Variants in CDC42BPA observed in about 807,000 individuals in gnomAD.
The protein encoded by CDC42BPA is serine/threonine-protein kinase MRCK alpha.
Under a neutral mutation model 223.5 loss-of-function variants are expected in CDC42BPA, and 80 were observed. That is an observed-to-expected ratio of 0.36 (90% CI 0.30 to 0.43). The LOEUF (loss-of-function observed/expected upper bound fraction) is 0.43. CDC42BPA is among the 20% of genes least tolerant of loss of function. CDC42BPA has a pLI of 1.00. For missense variants in CDC42BPA, 1,743 were observed against 2,099.9 expected, an observed-to-expected ratio of 0.83 and a Z score of 3.32; for synonymous variants, 694 against 718.6, an observed-to-expected ratio of 0.97 and a Z score of 0.55.
chr1:226,997,959 G>A (rs1661977040), intron 35 of CDC42BPA, among the ~76,000 whole-genome samples: 1 of 152,026 alleles, frequency 6.6e-6, no homozygotes, highest in Admixed American at 6.6e-5. Flanking sequence ...TGTGTATTAG[G>A]TCCGCTTGAA....
chr1:227,180,923 A>C (rs941007987), intron 5 of CDC42BPA, among the ~76,000 whole-genome samples: 1 of 150,880 alleles, frequency 6.6e-6, no homozygotes, highest in Non-Finnish European at 1.5e-5. Flanking sequence ...TTTTTTTTTC[A>C]ACCTGAAATT....
intron 2 of CDC42BPA, among the ~76,000 whole-genome samples, chr1:227,239,645 A>C (rs191259754): frequency 5.3e-4 from 81 of 152,262 alleles, no homozygotes; most frequent in Middle Eastern, 3.4e-3. Flanking sequence ...TGAAAGAAAA[A>C]ATCCATATAA....
At chr1:227,070,406 C>T (rs973756248) in intron 20 of CDC42BPA, among the ~76,000 whole-genome samples, 5 of 151,674 alleles carry the variant, frequency 3.3e-5, no homozygotes, top group Admixed American at 3.3e-4. Context: ...TTTAAAAATT[C>T]ATACATATCT....
intron 3 of CDC42BPA, among the ~76,000 whole-genome samples, chr1:227,200,816 T>A (rs1671628124): frequency 6.6e-6 from 1 of 152,320 alleles, no homozygotes; most frequent in East Asian, 1.9e-4. Flanking sequence ...ACCCAGAATA[T>A]GAAAGCTCTG....
intron 16 of CDC42BPA, among the ~76,000 whole-genome samples, chr1:227,084,118 G>A (rs1465330891): frequency 6.6e-6 from 1 of 152,084 alleles, no homozygotes; most frequent in African/African-American, 2.4e-5. Context: ...TACTGTAAGT[G>A]GTATTCATAT....
At chr1:227,148,297 A>C (rs1661053923) in intron 6 of CDC42BPA, among the ~76,000 whole-genome samples, 1 of 152,188 alleles carries the variant, frequency 6.6e-6, no homozygotes, top group Non-Finnish European at 1.5e-5. Context: ...TCTGTAAAAA[A>C]GTGGAAGAAA....
chr1:227,121,801 T>C (rs1216794213), intron 11 of CDC42BPA, among the ~76,000 whole-genome samples: 1 of 144,800 alleles, frequency 6.9e-6, no homozygotes, highest in African/African-American at 2.6e-5. Flanking sequence ...TTCTTTTTTT[T>C]CTTTTTTTTT....
intron 8 of CDC42BPA, among the ~76,000 whole-genome samples, chr1:227,145,256 G>C (rs1261712126): frequency 3.3e-5 from 5 of 152,030 alleles, no homozygotes; most frequent in Non-Finnish European, 7.4e-5. Context: ...TTATCTAAGA[G>C]GTAAAACTTT....
chr1:227,069,435 T>C (rs1677815389), intron 21 of CDC42BPA: 1 of 165,938 alleles, frequency 6.0e-6, no homozygotes, highest in African/African-American at 2.4e-5. Flanking sequence ...TCTCACTTTT[T>C]ATTGTGGCAC....
chr1:227,067,626 T>C (rs377156562), intron 21 of CDC42BPA, among the ~76,000 whole-genome samples: 19 of 152,312 alleles, frequency 1.2e-4, no homozygotes, highest in African/African-American at 4.1e-4. Flanking sequence ...TTATTTGTTT[T>C]GAGAATAGCA....
Position 227,129,714 on chromosome 1 carries a change from T to TATATAC in CDC42BPA, c.1391-484_1391-483insGTATAT, listed in dbSNP as rs140091366. Among the ~76,000 whole-genome samples, 33 of 105,814 alleles carry TATATAC rather than the reference T, an allele frequency of 3.1e-4. 3 individuals are homozygous for TATATAC. The highest frequency in any genetic ancestry group is 1.2e-3 in the African/African-American group (32 of 26,544). The allele number at this position is 105,814 out of a possible 152,430, so 69.4% of individuals were successfully genotyped here. On this transcript the variant is annotated intron_variant, in intron 10 of 36. Coordinates refer to ENST00000366766, the MANE Select transcript of CDC42BPA (RefSeq NM_001394014.1). ...AAAAAATCCACTGCATATATATATA[T>TATATAC]ACAAAAGAATCCACCTTCTAATAAT...
At chr1:227,197,135 A>AC (rs1670893779) in intron 4 of CDC42BPA, among the ~76,000 whole-genome samples, 1 of 152,170 alleles carries the variant, frequency 6.6e-6, no homozygotes, top group East Asian at 1.9e-4. Flanking sequence ...GCTTTCTAGA[A>AC]CCATATAGCA....
At position 227,163,019 on chromosome 1, in the gene CDC42BPA, T is replaced by C. The variant is rs1244761269; in HGVS notation, c.600-2383A>G. Among the ~76,000 whole-genome samples the C allele has an allele frequency of 5.3e-4, 28 of 53,184 alleles. No homozygotes were observed. The South Asian group carries it at 5.6e-3, about 11-fold the overall frequency. 34.9% of individuals were successfully genotyped at this position (53,184 alleles called of 152,430 possible). A position where few individuals can be genotyped will look rare whatever the true frequency, so the allele number is the denominator to read the frequency against. ...ACATGTGTATGTTTCCAAACGTGTA[T>C]GTTTCCAAACATATGTGTTTCCAAA... On this transcript the variant is annotated intron_variant, in intron 5 of 36. Coordinates refer to ENST00000366766, the MANE Select transcript of CDC42BPA (RefSeq NM_001394014.1).
intron 2 of CDC42BPA, among the ~76,000 whole-genome samples, chr1:227,244,018 A>T (rs1415840448): frequency 2.1e-5 from 3 of 139,952 alleles, no homozygotes; most frequent in East Asian, 2.2e-4. Context: ...AAACTAAAGT[A>T]AAAAAAAAAA....
chr1:227,191,241 A>C (rs2150128651), intron 5 of CDC42BPA, among the ~76,000 whole-genome samples: 1 of 152,026 alleles, frequency 6.6e-6, no homozygotes, highest in East Asian at 1.9e-4. Flanking sequence ...GCTACTCAGG[A>C]GGCTGAGGCA....
chr1:227,084,980 A>G (rs935920218), intron 16 of CDC42BPA, among the ~76,000 whole-genome samples: 2 of 152,220 alleles, frequency 1.3e-5, no homozygotes, highest in South Asian at 2.1e-4. Flanking sequence ...CAGCTGTGAC[A>G]TCAGCTTCTC....
At chr1:227,028,379 T>C (rs1668659089) in intron 30 of CDC42BPA, among the ~76,000 whole-genome samples, 1 of 152,226 alleles carries the variant, frequency 6.6e-6, no homozygotes, top group Admixed American at 6.5e-5. Flanking sequence ...TTCTGGGTTA[T>C]TTCAAAATAT....
chr1:227,105,157 T>G lies in CDC42BPA; in HGVS notation c.2002-3918A>C, dbSNP rs986624950. 9.9e-5 allele frequency among the ~76,000 whole-genome samples: 15 copies of G among 152,118 alleles called. No individual in the cohort carries two copies. The South Asian group carries it at 1.0e-3, about 10-fold the overall frequency. On this transcript the variant is annotated intron_variant, in intron 14 of 36. Coordinates refer to ENST00000366766, the MANE Select transcript of CDC42BPA (RefSeq NM_001394014.1). ...CAACATACAACAAAATTTTCCATTT[T>G]AACCATTCTACATGCACAATTCAAT...
In CDC42BPA at chr1:227,021,975, G is replaced by C. The variant is rs537524466; in HGVS notation, c.4615+1288C>G. The stretch of plus-strand genomic sequence containing the variant: ...GCAGAGGTTGCAGTGAGCTGAGATG[G>C]TGCCACTGCACTCCAGCCTCGCAAC... On this transcript the variant is annotated intron_variant, in intron 32 of 36. Transcript: ENST00000366766. Among the ~76,000 whole-genome samples, 111 of 151,966 alleles carry C rather than the reference G, an allele frequency of 7.3e-4. 1 individual carries two copies. The highest frequency in any genetic ancestry group is 5.0e-4 in the Non-Finnish European group (34 of 68,006).
Sources: gnomAD v4.1 joint callset for allele counts (sites outside exome capture counted in the v4.1 genomes callset) on GRCh38, gnomAD v4.1.1 for gene constraint, MANE v1.5 for transcripts, NCBI Gene and HGNC (gene_info 2026-07-23, HGNC 2026-07-21) for gene names.